The following PPFIBP2 variants were observed in gnomAD, a reference collection of about 807,000 sequenced individuals.
The protein encoded by PPFIBP2 is PPFIB scaffold protein 2.
PPFIBP2 carries 118 observed loss-of-function variants against 118.3 expected under a neutral mutation model. The ratio of observed to expected loss-of-function variants is 1.00; its 90% CI spans 0.86 to 1.16. The LOEUF is 1.16. PPFIBP2 is among the 50% of genes most tolerant of loss of function. The probability of loss-of-function intolerance (pLI) is 0.00; values close to 1 mark genes in which losing one functional copy is unlikely to be tolerated. For missense variants in PPFIBP2, 1,195 were observed against 1,073.1 expected, an observed-to-expected ratio of 1.11 and a Z score of -1.59; for synonymous variants, 414 against 397.4, an observed-to-expected ratio of 1.04 and a Z score of -0.50.
At chr11:7,550,791 C>A (rs1852886837) in intron 2 of PPFIBP2, among the ~76,000 whole-genome samples, 1 of 152,146 alleles carries the variant, frequency 6.6e-6, no homozygotes, top group South Asian at 2.1e-4. Context: ...TGGGTAGGCA[C>A]CATCTAATAA....
chr11:7,651,167 C>T, intron 22 of PPFIBP2: 1 of 505,196 alleles, frequency 2.0e-6, no homozygotes, highest in South Asian at 3.1e-5. Flanking sequence ...TGCCTTCTGG[C>T]AGCACCTCCT....
At chr11:7,632,735 T>C in intron 11 of PPFIBP2, 132 bp from the exon 12 acceptor site, 1 of 672,028 alleles carries the variant, frequency 1.5e-6, no homozygotes, top group South Asian at 1.7e-5. Flanking sequence ...GCATCTATAA[T>C]GATGTATCCA....
At position 7,565,410 on chromosome 11, in the gene PPFIBP2, A is replaced by G. The variant is rs975629478; in HGVS notation, c.65-143A>G. 7.5e-6 allele frequency: 6 copies of G among 798,472 alleles called. No homozygotes were observed. The Admixed American group carries it at 1.2e-4, about 17-fold the overall frequency. The allele number at this position is 798,472 out of a possible 1,614,324, so 49.5% of individuals were successfully genotyped here. Reference sequence around the variant, plus strand: ...TTCAGCCTCCCAAGTAGCTGAGACTACAGGCGTGCACCGCCATGCCCAGCT... The same window carrying G: ...TTCAGCCTCCCAAGTAGCTGAGACTGCAGGCGTGCACCGCCATGCCCAGCT... On this transcript the variant is annotated intron_variant, in intron 2 of 23. Coordinates refer to ENST00000299492, the MANE Select transcript of PPFIBP2 (RefSeq NM_003621.5).
At chr11:7,645,569 C>A (rs1226697654) in intron 17 of PPFIBP2, among the ~76,000 whole-genome samples, 4 of 152,064 alleles carry the variant, frequency 2.6e-5, no homozygotes, top group African/African-American at 9.7e-5. Flanking sequence ...TCAGTGGTGC[C>A]CTGGCTGAGG....
chr11:7,617,458 G>T (rs1405855660), intron 6 of PPFIBP2, among the ~76,000 whole-genome samples: 1 of 152,136 alleles, frequency 6.6e-6, no homozygotes, highest in Non-Finnish European at 1.5e-5. Context: ...GGGATGTGAG[G>T]TGAGCTCAGT....
chr11:7,645,366 A>G (rs1443933430), intron 17 of PPFIBP2, among the ~76,000 whole-genome samples: 1 of 152,188 alleles, frequency 6.6e-6, no homozygotes, highest in East Asian at 1.9e-4. Flanking sequence ...CTCTGTACTC[A>G]CTAATGAACT....
intron 20 of PPFIBP2, 90 bp downstream of exon 20, chr11:7,649,325 A>G (rs1853621912): frequency 1.5e-6 from 2 of 1,341,914 alleles, no homozygotes; most frequent in Non-Finnish European, 2.1e-6. Flanking sequence ...TTGATTCCAT[A>G]TATTCTTAAG....
intron 1 of PPFIBP2, among the ~76,000 whole-genome samples, chr11:7,544,698 C>T (rs574120383): frequency 1.3e-5 from 2 of 150,210 alleles, no homozygotes; most frequent in South Asian, 2.1e-4. Context: ...GGCATGAACC[C>T]GGGAGGCGGA....
At chr11:7,635,465 A>G in intron 13 of PPFIBP2, 87 bp from the exon 14 acceptor site, 3 of 1,318,880 alleles carry the variant, frequency 2.3e-6, no homozygotes, top group Non-Finnish European at 3.3e-6. Context: ...AGATTTAAGC[A>G]AACAGGTAGT....
intron 5 of PPFIBP2, chr11:7,598,323 C>A (rs1161205321): frequency 7.5e-6 from 2 of 267,194 alleles, no homozygotes; most frequent in Non-Finnish European, 7.4e-6. Flanking sequence ...GTATTGTCAT[C>A]TTTACTATCA....
chr11:7,653,005 T>C lies in PPFIBP2; in HGVS notation c.2437-19T>C, dbSNP rs372403486. ...TGCCTTGATTGCCTTCTCATAATCT[T>C]GCATTTTCTGTGTTTTAGCCAAGGA... is the stretch of plus-strand genomic sequence containing the variant. On this transcript the variant is annotated intron_variant, in intron 23 of 23. Transcript: ENST00000299492. 190 of 1,596,882 alleles carry C rather than the reference T, an allele frequency of 1.2e-4. No individual in the cohort carries two copies. The highest frequency in any genetic ancestry group is 1.5e-4 in the Non-Finnish European group (171 of 1,169,036).
intron 1 of PPFIBP2, among the ~76,000 whole-genome samples, chr11:7,546,103 C>T (rs1202442041): frequency 6.6e-6 from 1 of 152,214 alleles, no homozygotes; most frequent in Non-Finnish European, 1.5e-5. Context: ...ATGCATCCCT[C>T]CCCACTCCTC....
Position 7,549,461 on chromosome 11 carries a change from C to T in PPFIBP2, c.-15C>T, listed in dbSNP as rs993566638. On this transcript the variant is annotated 5_prime_UTR_variant, in exon 2 of 24. Coordinates refer to ENST00000299492, the MANE Select transcript of PPFIBP2 (RefSeq NM_003621.5). ...TCAGTAAGAAGAGGAGGAGGCCAGG[C>T]AGGCAAAAGGAGTCATGGCTTCTGA... 10 of 1,556,284 alleles carry T rather than the reference C, an allele frequency of 6.4e-6. No individual in the cohort carries two copies. The African/African-American group carries it at 1.2e-4, about 19-fold the overall frequency.
At chr11:7,666,768 A>G in the PPFIBP2 span, 1 of 439,798 alleles carries the variant, frequency 2.3e-6, no homozygotes, top group South Asian at 2.5e-5. Flanking sequence ...AAGAACCTCC[A>G]TGGGATGTAG....
At position 7,653,420 on chromosome 11, in the gene PPFIBP2, A is replaced by C; in HGVS notation, c.*202A>C. 1 of 1,496,748 alleles carries C rather than the reference A, an allele frequency of 6.7e-7. No individual in the cohort carries two copies. Among genetic ancestry groups the C allele is most frequent in the South Asian group, 1.3e-5 (1 of 76,540 alleles). 92.7% of individuals were successfully genotyped at this position (1,496,748 alleles called of 1,614,324 possible). On this transcript the variant is annotated 3_prime_UTR_variant, in exon 24 of 24. Transcript: ENST00000299492. ...ATCTCTAAGGGGCCAGGCTTTGGGGACCATTGCCAAAGGTGGACTCAGGAG... is the reference window on the plus strand; with the variant it reads ...ATCTCTAAGGGGCCAGGCTTTGGGGCCCATTGCCAAAGGTGGACTCAGGAG...
chr11:7,527,268 C>A (rs569860842), intron 1 of PPFIBP2, among the ~76,000 whole-genome samples: 1 of 151,986 alleles, frequency 6.6e-6, no homozygotes, highest in South Asian at 2.1e-4. Context: ...GAGAGAGTTG[C>A]TGTGGTTAGG....
rs1379621871 is a variant in PPFIBP2 at position 7,577,691 on chromosome 11, A to G, written c.279+11924A>G. 9.4e-5 allele frequency: 41 copies of G among 438,370 alleles called. No homozygotes were observed. The Admixed American group carries it at 9.8e-4, about 11-fold the overall frequency. 27.2% of individuals were successfully genotyped at this position (438,370 alleles called of 1,614,324 possible). On this transcript the variant is annotated intron_variant, in intron 3 of 23. Coordinates refer to ENST00000299492, the MANE Select transcript of PPFIBP2 (RefSeq NM_003621.5). Reference sequence around the variant, plus strand: ...CTCCGTGGAGATAAGTGAGGGGGAGACGCTTTGGGGTGTTTTGGGGTGTGT... The same window carrying G: ...CTCCGTGGAGATAAGTGAGGGGGAGGCGCTTTGGGGTGTTTTGGGGTGTGT...
the PPFIBP2 span, among the ~76,000 whole-genome samples, chr11:7,662,553 C>T: frequency 6.6e-6 from 1 of 150,954 alleles, no homozygotes; most frequent in Non-Finnish European, 1.5e-5. Flanking sequence ...GAGGGTAACC[C>T]GACCTTTCTC....
chr11:7,581,508 G>C (rs962969412), intron 3 of PPFIBP2, among the ~76,000 whole-genome samples: 3 of 152,138 alleles, frequency 2.0e-5, no homozygotes, highest in African/African-American at 4.8e-5. Context: ...GCTAATGTGA[G>C]ACTTTATTCT....
Sources: allele counts gnomAD v4.1 joint callset (sites outside exome capture counted in the v4.1 genomes callset), GRCh38; gene constraint gnomAD v4.1.1; transcripts MANE v1.5; gene names NCBI Gene and HGNC (gene_info 2026-07-23, HGNC 2026-07-21).